Variants in NME7 observed in about 807,000 individuals in gnomAD.
NME7 encodes NME/NM23 family member 7.
A neutral mutation model predicts 49.1 loss-of-function variants in NME7; 41 were observed. The observed-to-expected ratio is 0.83, with a 90% CI of 0.65 to 1.08. The LOEUF is 1.08. Among genes scored for constraint, NME7 ranks in the 50% least tolerant of loss-of-function variants. The probability of loss-of-function intolerance (pLI) is 0.00; values close to 1 mark genes in which losing one functional copy is unlikely to be tolerated. For synonymous variants in NME7, 139 were observed against 150.6 expected (o/e 0.92, Z 0.56); for missense variants, 423 against 463.4 (o/e 0.91, Z 0.80).
intron 7 of NME7, among the ~76,000 whole-genome samples, chr1:169,252,800 A>G (rs920685521): frequency 3.4e-5 from 5 of 147,452 alleles, no homozygotes; most frequent in Admixed American, 2.0e-4. Flanking sequence ...TTTTCCCAGC[A>G]CCATTTATTA....
At position 169,339,688 on chromosome 1, in the gene NME7, C is replaced by T. The variant is rs542175267; in HGVS notation, c.4-15188G>A. Among the ~76,000 whole-genome samples the T allele has an allele frequency of 1.7e-4, 26 of 152,252 alleles. No homozygotes were observed. The South Asian group carries it at 4.8e-3, about 28-fold the overall frequency. On this transcript the variant is annotated intron_variant, in intron 1 of 11. Transcript: ENST00000367811. ...TAGACATTTTCCATTTGTCATTTTC[C>T]ATTTGTCTCTCCAGACCTTCACTCT...
chr1:169,251,246 T>A (rs571613026), intron 7 of NME7, among the ~76,000 whole-genome samples: 1 of 152,218 alleles, frequency 6.6e-6, no homozygotes, highest in East Asian at 1.9e-4. Context: ...TGTCTTTTTT[T>A]ACTGTTGTTG....
chr1:169,235,795 T>G (rs1260602840), intron 8 of NME7, among the ~76,000 whole-genome samples: 1 of 152,134 alleles, frequency 6.6e-6, no homozygotes, highest in Non-Finnish European at 1.5e-5. Context: ...ACAAGTCATG[T>G]GGACTTCCTG....
In NME7 at chr1:169,192,547, T is replaced by C. The variant is rs3766072; in HGVS notation, c.991-22993A>G. On this transcript the variant is annotated intron_variant, in intron 10 of 11. Transcript: ENST00000367811. ...CTTGAGCATCTCAGATTTTGATATC[T>C]GAGGGGTCCTGGAACCAATCTCCCT... 0.059 allele frequency among the ~76,000 whole-genome samples: 9,015 copies of C among 152,188 alleles called. 1,137 individuals are homozygous for C. In the East Asian group the frequency reaches 0.59, roughly 10 times the overall value.
chr1:169,345,347 T>C (rs375388404), intron 1 of NME7, among the ~76,000 whole-genome samples: 11 of 152,230 alleles, frequency 7.2e-5, no homozygotes, highest in African/African-American at 2.4e-4. Flanking sequence ...CTCCTTTCTT[T>C]TCTATTTCCT....
At position 169,186,595 on chromosome 1, in the gene NME7, G is replaced by A. The variant is rs1660073548; in HGVS notation, c.991-17041C>T. Among the ~76,000 whole-genome samples the A allele has an allele frequency of 1.3e-5, 2 of 152,066 alleles. 1 individual carries two copies. Among genetic ancestry groups the A allele is most frequent in the South Asian group, 4.1e-4 (2 of 4,820 alleles). The stretch of plus-strand genomic sequence containing the variant: ...CTCTGATGGTAGTTTGTATTTCTGT[G>A]GGATTAGTAGGTGATATCCCCTTTA... On this transcript the variant is annotated intron_variant, in intron 10 of 11. Coordinates refer to ENST00000367811, the MANE Select transcript of NME7 (RefSeq NM_013330.5).
chr1:169,313,718 C>T (rs974031111), intron 3 of NME7, among the ~76,000 whole-genome samples: 1 of 151,816 alleles, frequency 6.6e-6, no homozygotes, highest in Admixed American at 6.6e-5. Flanking sequence ...GAGGGAAAAC[C>T]AGGAGAAACA....
In NME7 at chr1:169,270,441, A is replaced by G. The variant is rs1460148625; in HGVS notation, c.754+16862T>C. On this transcript the variant is annotated intron_variant, in intron 7 of 11. Transcript: ENST00000367811. ...CAATAAACCTACTTCATGCACTTAA[A>G]TCAGACCTAGGCTTTAACTGGGGAA... is the stretch of plus-strand genomic sequence containing the variant. Among the ~76,000 whole-genome samples, 11 of 133,958 alleles carry G rather than the reference A, an allele frequency of 8.2e-5. 1 individual carries two copies. The East Asian group carries it at 2.2e-3, about 26-fold the overall frequency. 87.9% of individuals were successfully genotyped at this position (133,958 alleles called of 152,430 possible). A position where few individuals can be genotyped will look rare whatever the true frequency, so the allele number is the denominator to read the frequency against.
chr1:169,163,638 T>C (rs1659311742), intron 11 of NME7, among the ~76,000 whole-genome samples: 1 of 152,118 alleles, frequency 6.6e-6, no homozygotes, highest in Non-Finnish European at 1.5e-5. Flanking sequence ...GAATGTTGAT[T>C]TCCTTATTTG....
rs546331632 is a variant in NME7 at position 169,287,277 on chromosome 1, T to C, written c.754+26A>G. On this transcript the variant is annotated intron_variant, in intron 7 of 11. Coordinates refer to ENST00000367811, the MANE Select transcript of NME7 (RefSeq NM_013330.5). ...ACATTGCTCTCCTATTAACAAAATG[T>C]ACTGAATATAGTGTATTCAACATAC... 36 of 1,477,254 alleles carry C rather than the reference T, an allele frequency of 2.4e-5. No individual in the cohort carries two copies. In the East Asian group the frequency reaches 7.1e-4, roughly 29 times the overall value. The allele number at this position is 1,477,254 out of a possible 1,614,324, so 91.5% of individuals were successfully genotyped here.
At chr1:169,358,202 G>A (rs1259698267) in intron 1 of NME7, among the ~76,000 whole-genome samples, 1 of 151,900 alleles carries the variant, frequency 6.6e-6, no homozygotes, top group Non-Finnish European at 1.5e-5. Context: ...CTTCTCATTA[G>A]GCAGCAATCT....
At chr1:169,172,397 G>C (rs1659630449) in intron 10 of NME7, among the ~76,000 whole-genome samples, 1 of 150,830 alleles carries the variant, frequency 6.6e-6, no homozygotes. Context: ...AGCATCACTG[G>C]AGATTTACTC....
At chr1:169,196,073 G>A (rs1052958223) in intron 10 of NME7, among the ~76,000 whole-genome samples, 3 of 152,178 alleles carry the variant, frequency 2.0e-5, no homozygotes, top group Non-Finnish European at 4.4e-5. Flanking sequence ...AGGTAACTAA[G>A]TACCAATTTG....
intron 11 of NME7, among the ~76,000 whole-genome samples, chr1:169,136,154 T>A (rs1418624824): frequency 1.3e-5 from 2 of 152,234 alleles, no homozygotes; most frequent in East Asian, 3.9e-4. Flanking sequence ...TTGGTCTGTC[T>A]TTTGGAGTGC....
chr1:169,176,559 G>C (rs2101741739), intron 10 of NME7, among the ~76,000 whole-genome samples: 1 of 152,200 alleles, frequency 6.6e-6, no homozygotes, highest in African/African-American at 2.4e-5. Flanking sequence ...GAAATATTTA[G>C]ATAATTCAAT....
At chr1:169,346,253 A>T (rs1307230279) in intron 1 of NME7, among the ~76,000 whole-genome samples, 1 of 152,136 alleles carries the variant, frequency 6.6e-6, no homozygotes, top group East Asian at 1.9e-4. Flanking sequence ...AACTCAGCCT[A>T]TGAGAATAAT....
intron 1 of NME7, among the ~76,000 whole-genome samples, chr1:169,331,828 G>A (rs1652266994): frequency 1.4e-5 from 2 of 143,360 alleles, no homozygotes; most frequent in South Asian, 2.2e-4. Context: ...AAAAAAAAAT[G>A]GGAAGCTATT....
At chr1:169,186,276 G>A (rs1308329434) in intron 10 of NME7, among the ~76,000 whole-genome samples, 1 of 152,052 alleles carries the variant, frequency 6.6e-6, no homozygotes, top group Non-Finnish European at 1.5e-5. Context: ...TAACAAAATA[G>A]CACCACGGAC....
At chr1:169,226,024 A>G (rs1343962858) in intron 10 of NME7, among the ~76,000 whole-genome samples, 1 of 152,194 alleles carries the variant, frequency 6.6e-6, no homozygotes, top group African/African-American at 2.4e-5. Flanking sequence ...TGTTAGGTAT[A>G]TATATATAAT....
Sources: allele counts gnomAD v4.1 joint callset (sites outside exome capture counted in the v4.1 genomes callset), GRCh38; gene constraint gnomAD v4.1.1; transcripts MANE v1.5; gene names NCBI Gene and HGNC (gene_info 2026-07-23, HGNC 2026-07-21).